The following CCDC144A variants were observed in gnomAD, a reference collection of about 807,000 sequenced individuals.
CCDC144A encodes the protein coiled-coil domain-containing protein 144A.
A neutral mutation model predicts 143.8 loss-of-function variants in CCDC144A; 41 were observed. That is an observed-to-expected ratio of 0.29 (90% confidence interval 0.22 to 0.37). The LOEUF is 0.37. CCDC144A is among the 10% of genes least tolerant of loss of function. CCDC144A has a pLI of 1.00. For missense variants in CCDC144A, 637 were observed against 1,488.8 expected, an observed-to-expected ratio of 0.43 and a Z score of 9.41; for synonymous variants, 242 against 517.9, an observed-to-expected ratio of 0.47 and a Z score of 7.23.
chr17:16,699,487 T>A (rs1329634492), intron 2 of CCDC144A, among the ~76,000 whole-genome samples: 1 of 80,538 alleles, frequency 1.2e-5, no homozygotes. Flanking sequence ...ACCATTCTCC[T>A]GCCTCAGCCT....
chr17:16,762,698 C>G (rs1245774471), intron 14 of CCDC144A, among the ~76,000 whole-genome samples, 165 bp downstream of exon 14: 1 of 152,002 alleles, frequency 6.6e-6, no homozygotes, highest in Non-Finnish European at 1.5e-5. Context: ...TGAACTTAAC[C>G]TTTAAGTAAA....
chr17:16,715,348 A>G (rs1431729449), intron 6 of CCDC144A, among the ~76,000 whole-genome samples: 2 of 151,434 alleles, frequency 1.3e-5, no homozygotes, highest in Middle Eastern at 3.5e-3. Context: ...AAGGTTTCAC[A>G]TGGGTTCATT....
chr17:16,773,660 T>A lies in CCDC144A; in HGVS notation c.*27T>A. On this transcript the variant is annotated 3_prime_UTR_variant, in exon 17 of 17. Transcript: ENST00000399273. ...AGATAAGGCAATTTTATTTGGGCTATTCACATGATATTTTGTTTCCCATTA... is the reference window on the plus strand; with the variant it reads ...AGATAAGGCAATTTTATTTGGGCTAATCACATGATATTTTGTTTCCCATTA... 1.4e-6 allele frequency: 2 copies of A among 1,460,818 alleles called. No individual in the cohort carries two copies. The highest frequency in any genetic ancestry group is 1.8e-6 in the Non-Finnish European group (2 of 1,100,738). 90.5% of individuals were successfully genotyped at this position (1,460,818 alleles called of 1,614,324 possible).
At chr17:16,757,583 CT>C (rs1915154525) in intron 12 of CCDC144A, among the ~76,000 whole-genome samples, 1 of 152,226 alleles carries the variant, frequency 6.6e-6, no homozygotes, top group Non-Finnish European at 1.5e-5. Context: ...GTGGCCTTGT[CT>C]TCAGGCTCTC....
At chr17:16,732,896 C>T (rs1567598724) in intron 11 of CCDC144A, among the ~76,000 whole-genome samples, 1 of 151,172 alleles carries the variant, frequency 6.6e-6, no homozygotes, top group Admixed American at 6.6e-5. Flanking sequence ...TAGTGACATT[C>T]ACAGTGGCCT....
rs769167954 is a variant in CCDC144A at position 16,708,879 on chromosome 17, A to T, written c.822A>T (p.Lys274Asn). 1.6e-5 allele frequency: 25 copies of T among 1,611,754 alleles called. No individual in the cohort carries two copies. The highest frequency in any genetic ancestry group is 2.1e-5 in the Non-Finnish European group (25 of 1,179,772). ...PIYPVLPHVQ[K>N]SEEMWIEQGK... is the part of the protein sequence containing the mutation. Reference sequence around the variant, plus strand: ...ATCCAGTACTTCCTCATGTGCAAAAATCTGAGGAAATGTGGATTGAACAAG... The same window carrying T: ...ATCCAGTACTTCCTCATGTGCAAAATTCTGAGGAAATGTGGATTGAACAAG... Residue 274 changes from lysine to asparagine, a missense_variant, in exon 5 of 17, where the codon AAA (lysine) becomes AAT (asparagine). Physicochemically the swap from Lys to Asn is moderately conservative, Grantham distance 94. Transcript: ENST00000399273.
intron 15 of CCDC144A, among the ~76,000 whole-genome samples, chr17:16,771,019 A>C (rs1225321090): frequency 6.6e-6 from 1 of 152,222 alleles, no homozygotes; most frequent in Admixed American, 6.5e-5. Flanking sequence ...GACACCTAAA[A>C]TTTCTAAAGG....
At chr17:16,733,663 C>T (rs922616602) in intron 11 of CCDC144A, among the ~76,000 whole-genome samples, 1 of 150,562 alleles carries the variant, frequency 6.6e-6, no homozygotes, top group African/African-American at 2.4e-5. Flanking sequence ...TTTTTTACCA[C>T]TGGTGTTTTG....
chr17:16,749,302 A>G (rs1430336239), intron 12 of CCDC144A, among the ~76,000 whole-genome samples: 1 of 152,048 alleles, frequency 6.6e-6, no homozygotes, highest in Non-Finnish European at 1.5e-5. Context: ...CTTTTTGCTT[A>G]TTACAAATCA....
chr17:16,668,452 A>G, the CCDC144A span, among the ~76,000 whole-genome samples: 2 of 152,240 alleles, frequency 1.3e-5, no homozygotes, highest in African/African-American at 4.8e-5. Flanking sequence ...AGGTGAGCAT[A>G]AAACTACTTC....
chr17:16,670,396 T>C, the CCDC144A span, among the ~76,000 whole-genome samples: 1 of 149,000 alleles, frequency 6.7e-6, no homozygotes, highest in South Asian at 2.3e-4. Context: ...CAAGTCATTC[T>C]CCTGCCTCAG....
At chr17:16,679,670 C>T in the CCDC144A span, among the ~76,000 whole-genome samples, 1 of 151,926 alleles carries the variant, frequency 6.6e-6, no homozygotes, top group Non-Finnish European at 1.5e-5. Context: ...TTTGTTCTCT[C>T]ACATTTAATA....
chr17:16,711,394 A>C (rs1304965598), intron 5 of CCDC144A, among the ~76,000 whole-genome samples: 1 of 152,022 alleles, frequency 6.6e-6, no homozygotes, highest in African/African-American at 2.4e-5. Flanking sequence ...ATAAAAGCAC[A>C]AAATTAAGAA....
the CCDC144A span, among the ~76,000 whole-genome samples, chr17:16,681,267 A>G: frequency 6.6e-6 from 1 of 152,086 alleles, no homozygotes; most frequent in Non-Finnish European, 1.5e-5. Flanking sequence ...ACAGCTTCCC[A>G]CACTGAAATC....
the CCDC144A span, among the ~76,000 whole-genome samples, chr17:16,671,351 T>A: frequency 6.6e-6 from 1 of 152,154 alleles, no homozygotes; most frequent in Non-Finnish European, 1.5e-5. Flanking sequence ...ATTTAAATTA[T>A]TCAAATTTTT....
At chr17:16,723,751 C>T (rs1407580374) in intron 8 of CCDC144A, among the ~76,000 whole-genome samples, 2 of 152,170 alleles carry the variant, frequency 1.3e-5, no homozygotes, top group East Asian at 3.9e-4. Flanking sequence ...AGCTAATTAC[C>T]TCCACAAAGC....
At chr17:16,684,507 T>C in the CCDC144A span, among the ~76,000 whole-genome samples, 1 of 151,706 alleles carries the variant, frequency 6.6e-6, no homozygotes, top group African/African-American at 2.4e-5. Flanking sequence ...GTACAAAAAT[T>C]AGCCAGGCGT....
At chr17:16,744,092 C>T (rs1038756140) in intron 12 of CCDC144A, among the ~76,000 whole-genome samples, 4 of 152,130 alleles carry the variant, frequency 2.6e-5, no homozygotes, top group African/African-American at 9.7e-5. Flanking sequence ...CATTGATGAG[C>T]TTCTGGTTTT....
the CCDC144A span, among the ~76,000 whole-genome samples, chr17:16,680,418 T>C: frequency 6.6e-6 from 1 of 152,018 alleles, no homozygotes; most frequent in African/African-American, 2.4e-5. Context: ...AATTTTTCAC[T>C]TAAAAGAAAT....
Sources: allele counts gnomAD v4.1 joint callset (sites outside exome capture counted in the v4.1 genomes callset), GRCh38; gene constraint gnomAD v4.1.1; transcripts MANE v1.5; gene names NCBI Gene and HGNC (gene_info 2026-07-23, HGNC 2026-07-21).